The following WDR70 variants were observed in gnomAD, a reference collection of about 807,000 sequenced individuals.
WDR70 encodes WD repeat-containing protein 70.
Under a neutral mutation model 88.6 loss-of-function variants are expected in WDR70, and 53 were observed. That is an observed-to-expected ratio of 0.60 (90% CI 0.48 to 0.75). The LOEUF (loss-of-function observed/expected upper bound fraction) is 0.75, where lower values mean the gene tolerates loss of function less well. WDR70 is among the 30% of genes least tolerant of loss of function. The pLI, the probability that WDR70 is intolerant of heterozygous loss-of-function variation, is 0.00. For missense variants in WDR70, 610 were observed against 823.2 expected, an observed-to-expected ratio of 0.74 and a Z score of 3.17; for synonymous variants, 280 against 270.0, an observed-to-expected ratio of 1.04 and a Z score of -0.36.
chr5:37,449,185 G>T (rs945940908), intron 7 of WDR70, among the ~76,000 whole-genome samples: 1 of 152,140 alleles, frequency 6.6e-6, no homozygotes, highest in Non-Finnish European at 1.5e-5. Flanking sequence ...TTATTTTGTT[G>T]CTCAGCTTGT....
Position 37,408,114 on chromosome 5 carries a change from A to G in WDR70, c.492+11544A>G, listed in dbSNP as rs1184003173. On this transcript the variant is annotated intron_variant, in intron 5 of 17. Transcript: ENST00000265107. ...TGTCTTTTTTTCTGCCATCTTTAGTATACAGGCTTCAAGTTAGATGCTGTA... is the reference window on the plus strand; with the variant it reads ...TGTCTTTTTTTCTGCCATCTTTAGTGTACAGGCTTCAAGTTAGATGCTGTA... 3.3e-5 allele frequency among the ~76,000 whole-genome samples: 5 copies of G among 152,126 alleles called. No homozygotes were observed. In the East Asian group the frequency reaches 5.8e-4, roughly 18 times the overall value.
chr5:37,726,540 A>T (rs1335032734), intron 16 of WDR70, among the ~76,000 whole-genome samples: 1 of 152,222 alleles, frequency 6.6e-6, no homozygotes, highest in African/African-American at 2.4e-5. Context: ...ATAGCATCTA[A>T]TGAATATTGT....
At chr5:37,574,890 CACTT>C (rs1222905090) in intron 9 of WDR70, among the ~76,000 whole-genome samples, 1 of 152,136 alleles carries the variant, frequency 6.6e-6, no homozygotes, top group Non-Finnish European at 1.5e-5. Context: ...TAAAATATAA[CACTT>C]ACTTGTCCAT....
intron 9 of WDR70, among the ~76,000 whole-genome samples, chr5:37,582,927 G>A (rs998081280): frequency 6.6e-6 from 1 of 152,224 alleles, no homozygotes; most frequent in Non-Finnish European, 1.5e-5. Context: ...CAAATAGCCT[G>A]TTTCTGATGG....
chr5:37,715,011 G>A (rs770633291), intron 13 of WDR70, among the ~76,000 whole-genome samples: 1 of 152,102 alleles, frequency 6.6e-6, no homozygotes, highest in Non-Finnish European at 1.5e-5. Context: ...ATGACTACCA[G>A]GTTCCAGATT....
chr5:37,595,491 A>G (rs1184383790), intron 9 of WDR70, among the ~76,000 whole-genome samples: 1 of 152,190 alleles, frequency 6.6e-6, no homozygotes, highest in Non-Finnish European at 1.5e-5. Context: ...AGAAGAGTCA[A>G]TAGTATTAAC....
At chr5:37,748,449 T>C (rs912888079) in intron 17 of WDR70, among the ~76,000 whole-genome samples, 1 of 152,160 alleles carries the variant, frequency 6.6e-6, no homozygotes, top group Non-Finnish European at 1.5e-5. Context: ...TTATACCTTA[T>C]ACAAGAATTA....
chr5:37,558,785 C>T (rs975122686), intron 9 of WDR70, among the ~76,000 whole-genome samples: 1 of 152,108 alleles, frequency 6.6e-6, no homozygotes, highest in Admixed American at 6.6e-5. Flanking sequence ...GGTGGCTCCA[C>T]AGCGATATCA....
rs576932070 is a variant in WDR70 at position 37,704,003 on chromosome 5, T to C, written c.1416+916T>C. ...AGACAATTGAACAACTGTTTTTAAA[T>C]TACCAGCAAAAAACTCCTGTCTCTA... On this transcript the variant is annotated intron_variant, in intron 13 of 17. Coordinates refer to ENST00000265107, the MANE Select transcript of WDR70 (RefSeq NM_018034.4). 2.0e-4 allele frequency among the ~76,000 whole-genome samples: 31 copies of C among 152,284 alleles called. No homozygotes were observed. The South Asian group carries it at 6.4e-3, about 32-fold the overall frequency.
At chr5:37,433,233 G>A (rs1750366791) in intron 5 of WDR70, among the ~76,000 whole-genome samples, 1 of 151,934 alleles carries the variant, frequency 6.6e-6, no homozygotes, top group Non-Finnish European at 1.5e-5. Context: ...GCTAATTTTT[G>A]TATTTTTAGT....
chr5:37,426,063 A>T (rs946275284), intron 5 of WDR70, among the ~76,000 whole-genome samples: 2 of 152,212 alleles, frequency 1.3e-5, no homozygotes, highest in Non-Finnish European at 2.9e-5. Context: ...TGGCTATTGA[A>T]GCTCTGACAA....
intron 9 of WDR70, among the ~76,000 whole-genome samples, chr5:37,534,190 T>C (rs544908106): frequency 6.6e-6 from 1 of 152,064 alleles, no homozygotes; most frequent in East Asian, 1.9e-4. Context: ...ATGATGTGAG[T>C]CTCTACACAC....
chr5:37,589,241 T>TACACAC (rs1335309168), intron 9 of WDR70, among the ~76,000 whole-genome samples: 89 of 70,648 alleles, frequency 1.3e-3, no homozygotes, highest in African/African-American at 4.3e-3. Context: ...CATATATACC[T>TACACAC]ACACACATAC....
chr5:37,705,862 G>A (rs1470719465), intron 13 of WDR70, among the ~76,000 whole-genome samples: 1 of 152,064 alleles, frequency 6.6e-6, no homozygotes, highest in Non-Finnish European at 1.5e-5. Flanking sequence ...GACAGTGATG[G>A]CATTATGTCT....
intron 5 of WDR70, among the ~76,000 whole-genome samples, chr5:37,406,997 C>G (rs994698660): frequency 9.2e-5 from 14 of 152,128 alleles, no homozygotes. Context: ...CTGTTAGATT[C>G]ATTTAATAAT....
intron 8 of WDR70, among the ~76,000 whole-genome samples, chr5:37,489,819 A>T (rs1740010989): frequency 6.6e-6 from 1 of 151,278 alleles, no homozygotes; most frequent in Non-Finnish European, 1.5e-5. Flanking sequence ...TTATACTTTA[A>T]GTTTTAGGGT....
At chr5:37,581,784 C>T (rs906035215) in intron 9 of WDR70, among the ~76,000 whole-genome samples, 1 of 152,154 alleles carries the variant, frequency 6.6e-6, no homozygotes, top group Non-Finnish European at 1.5e-5. Context: ...CAAAACTATA[C>T]ACAGATCTAG....
intron 8 of WDR70, among the ~76,000 whole-genome samples, chr5:37,485,858 A>ATTTTTTTTTTTTTTT (rs57109943): frequency 1.5e-4 from 16 of 108,288 alleles, no homozygotes; most frequent in African/African-American, 4.7e-4. Context: ...TGCCTGGCTA[A>ATTTTTTTTTTTTTTT]TTTTTTTTTT....
chr5:37,397,888 C>T (rs1282241107), intron 5 of WDR70, among the ~76,000 whole-genome samples: 3 of 150,158 alleles, frequency 2.0e-5, no homozygotes, highest in Non-Finnish European at 3.0e-5. Flanking sequence ...CGCAGCTACT[C>T]GGGAGGCTGA....
Sources: allele counts gnomAD v4.1 joint callset (sites outside exome capture counted in the v4.1 genomes callset), GRCh38; gene constraint gnomAD v4.1.1; transcripts MANE v1.5; gene names NCBI Gene and HGNC (gene_info 2026-07-23, HGNC 2026-07-21).